Variants in XKR4 observed in about 807,000 individuals in gnomAD.
XKR4 encodes XK related 4, also known as XK-related protein 4.
In XKR4, 12 loss-of-function variants were observed where a neutral mutation model predicts 53.9. The ratio of observed to expected loss-of-function variants is 0.22; its 90% CI spans 0.14 to 0.36. The LOEUF is 0.36. Among genes scored for constraint, XKR4 ranks in the 10% least tolerant of loss-of-function variants. The probability of loss-of-function intolerance (pLI) is 1.00; values close to 1 mark genes in which losing one functional copy is unlikely to be tolerated. For synonymous variants in XKR4, 354 were observed against 362.4 expected, an observed-to-expected ratio of 0.98 and a Z score of 0.26; for missense variants, 799 against 859.5, an observed-to-expected ratio of 0.93 and a Z score of 0.88.
intron 1 of XKR4, among the ~76,000 whole-genome samples, chr8:55,104,487 G>C (rs1016312885): frequency 6.6e-6 from 1 of 152,086 alleles, no homozygotes; most frequent in East Asian, 1.9e-4. Context: ...TGACTATGCC[G>C]AAGTATCACC....
intron 1 of XKR4, among the ~76,000 whole-genome samples, chr8:55,305,467 C>T (rs1449591442): frequency 6.6e-6 from 1 of 152,084 alleles, no homozygotes; most frequent in African/African-American, 2.4e-5. Flanking sequence ...CTAAAAAGGT[C>T]AAGCTTTTCT....
intron 1 of XKR4, among the ~76,000 whole-genome samples, chr8:55,288,733 TC>T (rs1264177062): frequency 2.6e-5 from 4 of 152,158 alleles, no homozygotes; most frequent in African/African-American, 9.7e-5. Context: ...TTACCCAGTT[TC>T]CCCAAAGGTA....
rs1262967185 is a variant in XKR4 at position 55,535,334 on chromosome 8, T to C, written c.*11107T>C. The C allele has an allele frequency of 2.0e-5, 3 of 151,796 alleles. No homozygotes were observed. Among genetic ancestry groups the C allele is most frequent in the African/African-American group, 7.3e-5 (3 of 41,288 alleles). 9.4% of individuals were successfully genotyped at this position (151,796 alleles called of 1,614,324 possible). A position where few individuals can be genotyped will look rare whatever the true frequency, so the allele number is the denominator to read the frequency against. On this transcript the variant is annotated 3_prime_UTR_variant, in exon 3 of 3. Coordinates refer to ENST00000327381, the MANE Select transcript of XKR4 (RefSeq NM_052898.2). ...TTGGTGTGCTGTACCTATTAACTCG[T>C]CATTTAGCATCAGGTATATCTCCTA...
At chr8:55,389,192 T>C (rs1391611247) in intron 2 of XKR4, among the ~76,000 whole-genome samples, 1 of 151,990 alleles carries the variant, frequency 6.6e-6, no homozygotes, top group Non-Finnish European at 1.5e-5. Flanking sequence ...TTCCAAAGAG[T>C]GCGTGGCCCT....
Position 55,165,805 on chromosome 8 carries a change from A to G in XKR4, c.806+62511A>G, listed in dbSNP as rs533446510. Among the ~76,000 whole-genome samples, 434 of 132,430 alleles carry G rather than the reference A, an allele frequency of 3.3e-3. 1 individual carries two copies. Among genetic ancestry groups the G allele is most frequent in the African/African-American group, 0.012 (385 of 32,994 alleles). 86.9% of individuals were successfully genotyped at this position (132,430 alleles called of 152,430 possible). A position where few individuals can be genotyped will look rare whatever the true frequency, so the allele number is the denominator to read the frequency against. The stretch of plus-strand genomic sequence containing the variant: ...GGGCGACAGAGCAAGACTCCGTCTC[A>G]AAAAAAAAAAAAAGAAAAAAAAAGA... On this transcript the variant is annotated intron_variant, in intron 1 of 2. Coordinates refer to ENST00000327381, the MANE Select transcript of XKR4 (RefSeq NM_052898.2).
intron 2 of XKR4, among the ~76,000 whole-genome samples, chr8:55,424,519 C>T (rs1804985382): frequency 6.6e-6 from 1 of 152,162 alleles, no homozygotes; most frequent in Non-Finnish European, 1.5e-5. Flanking sequence ...GAGATAAATA[C>T]AAGGCATCTA....
At chr8:55,139,236 G>A (rs2129353980) in intron 1 of XKR4, among the ~76,000 whole-genome samples, 1 of 152,294 alleles carries the variant, frequency 6.6e-6, no homozygotes, top group African/African-American at 2.4e-5. Context: ...ATAAGGAAAT[G>A]TAAGAAGTGC....
intron 1 of XKR4, among the ~76,000 whole-genome samples, chr8:55,135,995 G>GT (rs1750661034): frequency 6.6e-6 from 1 of 151,820 alleles, no homozygotes; most frequent in African/African-American, 2.4e-5. Flanking sequence ...CCGGGTTCAA[G>GT]TGATGCTCCC....
At chr8:55,177,388 A>T (rs1817249998) in intron 1 of XKR4, among the ~76,000 whole-genome samples, 1 of 152,190 alleles carries the variant, frequency 6.6e-6, no homozygotes, top group Non-Finnish European at 1.5e-5. Context: ...TAACACAGTT[A>T]AGTACTGGGC....
chr8:55,346,601 T>C (rs1803645694), intron 1 of XKR4, among the ~76,000 whole-genome samples: 2 of 152,138 alleles, frequency 1.3e-5, no homozygotes, highest in African/African-American at 4.8e-5. Flanking sequence ...GTTGTGAGTG[T>C]CCTTGTTGCT....
chr8:55,409,894 A>G (rs1248414649), intron 2 of XKR4, among the ~76,000 whole-genome samples: 5 of 152,224 alleles, frequency 3.3e-5, no homozygotes, highest in Admixed American at 3.3e-4. Context: ...AGAAGAAACT[A>G]AAACTTAAAT....
intron 2 of XKR4, among the ~76,000 whole-genome samples, chr8:55,479,352 G>A (rs368334535): frequency 1.3e-5 from 2 of 151,914 alleles, no homozygotes; most frequent in Admixed American, 6.6e-5. Flanking sequence ...TGAAACCAAC[G>A]AGAACAAAGA....
At chr8:55,474,525 C>T (rs1805945522) in intron 2 of XKR4, among the ~76,000 whole-genome samples, 1 of 152,102 alleles carries the variant, frequency 6.6e-6, no homozygotes, top group East Asian at 1.9e-4. Flanking sequence ...TCAGGAAATA[C>T]TCATTGGCTT....
intron 1 of XKR4, among the ~76,000 whole-genome samples, chr8:55,240,710 T>A (rs1818198967): frequency 6.6e-6 from 1 of 152,092 alleles, no homozygotes; most frequent in African/African-American, 2.4e-5. Context: ...AGTCCATTGC[T>A]AAAAAAAGAG....
At chr8:55,238,210 A>G (rs1344869841) in intron 1 of XKR4, among the ~76,000 whole-genome samples, 2 of 152,026 alleles carry the variant, frequency 1.3e-5, no homozygotes, top group Non-Finnish European at 2.9e-5. Context: ...ATGTACAGCT[A>G]TGCGCCAAGA....
intron 1 of XKR4, among the ~76,000 whole-genome samples, chr8:55,288,097 G>A (rs1429158039): frequency 2.6e-5 from 4 of 152,216 alleles, no homozygotes; most frequent in African/African-American, 9.6e-5. Context: ...TATTTTATAT[G>A]TGGCCCAAGA....
chr8:55,482,631 C>G (rs913958641), intron 2 of XKR4, among the ~76,000 whole-genome samples: 1 of 151,864 alleles, frequency 6.6e-6, no homozygotes, highest in Non-Finnish European at 1.5e-5. Flanking sequence ...CATTTACTAC[C>G]CAGTAGACTT....
intron 1 of XKR4, among the ~76,000 whole-genome samples, chr8:55,282,260 G>T (rs1818854680): frequency 1.3e-5 from 2 of 152,162 alleles, no homozygotes; most frequent in South Asian, 4.1e-4. Context: ...CTATTGCCTT[G>T]TGACATCATG....
intron 2 of XKR4, among the ~76,000 whole-genome samples, chr8:55,377,288 C>G (rs1804164870): frequency 1.3e-5 from 2 of 152,162 alleles, no homozygotes; most frequent in Admixed American, 1.3e-4. Flanking sequence ...GGATAGTAAC[C>G]CATACCTCAT....
Sources: allele counts gnomAD v4.1 joint callset (sites outside exome capture counted in the v4.1 genomes callset), GRCh38; gene constraint gnomAD v4.1.1; transcripts MANE v1.5; gene names NCBI Gene and HGNC (gene_info 2026-07-23, HGNC 2026-07-21).